Variants in PLB1 observed in about 807,000 individuals in gnomAD.
The protein encoded by PLB1 is phospholipase B1, membrane-associated.
In PLB1, 242 loss-of-function variants were observed where a neutral mutation model predicts 227.4. The observed-to-expected ratio is 1.06, with a 90% CI of 0.96 to 1.18. The LOEUF (loss-of-function observed/expected upper bound fraction) is 1.18. Among genes scored for constraint, PLB1 ranks in the 50% most tolerant of loss-of-function variants. The pLI, the probability that PLB1 is intolerant of heterozygous loss-of-function variation, is 0.00. For synonymous variants in PLB1, 757 were observed against 682.2 expected (o/e 1.11, Z -1.71); for missense variants, 1,858 against 1,816.3 (o/e 1.02, Z -0.42).
chr2:28,523,888 G>A (rs1432493719), intron 4 of PLB1, among the ~76,000 whole-genome samples: 1 of 152,120 alleles, frequency 6.6e-6, no homozygotes, highest in Non-Finnish European at 1.5e-5. Flanking sequence ...TGTCCAATTT[G>A]CCACAGCCCC....
intron 20 of PLB1, among the ~76,000 whole-genome samples, chr2:28,569,023 C>G (rs570780888): frequency 6.6e-6 from 1 of 152,136 alleles, no homozygotes; most frequent in Admixed American, 6.5e-5. Flanking sequence ...GAATAGAAAT[C>G]GGAGCAATTT....
intron 43 of PLB1, among the ~76,000 whole-genome samples, chr2:28,611,739 G>C (rs1258070706): frequency 6.6e-6 from 1 of 152,160 alleles, no homozygotes; most frequent in Non-Finnish European, 1.5e-5. Context: ...CCCGAGACAA[G>C]CCCAAGTAGC....
intron 1 of PLB1, among the ~76,000 whole-genome samples, chr2:28,511,097 T>G (rs947850434): frequency 2.0e-5 from 3 of 152,196 alleles, no homozygotes; most frequent in African/African-American, 7.2e-5. Flanking sequence ...AAATCAGTAC[T>G]TTTACCACTT....
At position 28,503,583 on chromosome 2, in the gene PLB1, G is replaced by A. The variant is rs574385867; in HGVS notation, c.55+7414G>A. On this transcript the variant is annotated intron_variant, in intron 1 of 57. Transcript: ENST00000327757. Reference sequence around the variant, plus strand: ...CCTGCAGCTTGGGAAGACTTCAGCAGAAACATCTCATCCCTGTTCCACATA... The same window carrying A: ...CCTGCAGCTTGGGAAGACTTCAGCAAAAACATCTCATCCCTGTTCCACATA... Among the ~76,000 whole-genome samples, 11 of 152,314 alleles carry A rather than the reference G, an allele frequency of 7.2e-5. No individual in the cohort carries two copies. The South Asian group carries it at 2.1e-3, about 29-fold the overall frequency.
intron 35 of PLB1, among the ~76,000 whole-genome samples, chr2:28,599,640 A>G (rs1683546917): frequency 6.6e-6 from 1 of 152,174 alleles, no homozygotes; most frequent in Non-Finnish European, 1.5e-5. Context: ...TTTTTTAGAT[A>G]GAGTCTCATT....
chr2:28,591,695 C>G lies in PLB1; in HGVS notation c.2128-5C>G. ...GAGATTCTGGGATTTGTTCTATGCC[C>G]TTAGGGTCATGGGACCTGGCTGCCA... is the stretch of plus-strand genomic sequence containing the variant. On this transcript the variant is annotated splice_region_variant and splice_polypyrimidine_tract_variant and intron_variant, in intron 30 of 57. Transcript: ENST00000327757. The G allele has an allele frequency of 1.2e-6, 2 of 1,613,906 alleles. No homozygotes were observed. Among genetic ancestry groups the G allele is most frequent in the South Asian group, 2.2e-5 (2 of 91,080 alleles).
intron 34 of PLB1, among the ~76,000 whole-genome samples, chr2:28,598,297 G>C (rs1467324793): frequency 6.6e-6 from 1 of 152,220 alleles, no homozygotes; most frequent in African/African-American, 2.4e-5. Flanking sequence ...CGATGTGCTT[G>C]TCAGGTGACC....
intron 21 of PLB1, among the ~76,000 whole-genome samples, chr2:28,575,897 G>C (rs941186037): frequency 2.6e-5 from 4 of 152,128 alleles, no homozygotes; most frequent in Non-Finnish European, 5.9e-5. Context: ...TTTTCCTTTT[G>C]ATGGGGATAG....
intron 1 of PLB1, among the ~76,000 whole-genome samples, chr2:28,504,160 C>T (rs1418468627): frequency 2.0e-5 from 3 of 152,172 alleles, no homozygotes; most frequent in African/African-American, 7.2e-5. Context: ...GCCAGCACAA[C>T]GTTTGGCCTG....
At chr2:28,515,592 A>G (rs192572496) in intron 1 of PLB1, among the ~76,000 whole-genome samples, 170 of 152,346 alleles carry the variant, frequency 1.1e-3, no homozygotes, top group South Asian at 5.4e-3. Flanking sequence ...TAAAATGGAC[A>G]TATACTGTTG....
At chr2:28,602,429 C>T (rs1175045239) in intron 38 of PLB1, among the ~76,000 whole-genome samples, 1 of 152,254 alleles carries the variant, frequency 6.6e-6, no homozygotes, top group Non-Finnish European at 1.5e-5. Context: ...CTCTGACCAC[C>T]AGATGCTCCC....
At chr2:28,596,849 T>G (rs895944192) in intron 33 of PLB1, among the ~76,000 whole-genome samples, 1 of 152,232 alleles carries the variant, frequency 6.6e-6, no homozygotes, top group Non-Finnish European at 1.5e-5. Context: ...CCTTGACCAC[T>G]CTGGCATGCA....
chr2:28,638,473 G>A (rs1386747822), intron 56 of PLB1, among the ~76,000 whole-genome samples: 3 of 152,082 alleles, frequency 2.0e-5, no homozygotes, highest in African/African-American at 7.2e-5. Flanking sequence ...TTACCCCTGG[G>A]TCCGTGTACC....
chr2:28,507,294 C>G (rs1667741203), intron 1 of PLB1, among the ~76,000 whole-genome samples: 1 of 152,124 alleles, frequency 6.6e-6, no homozygotes, highest in African/African-American at 2.4e-5. Flanking sequence ...CAGACTGGGT[C>G]ATTTATAATG....
At chr2:28,572,328 G>A (rs1678147479) in intron 20 of PLB1, among the ~76,000 whole-genome samples, 1 of 152,170 alleles carries the variant, frequency 6.6e-6, no homozygotes, top group Admixed American at 6.5e-5. Flanking sequence ...CACCTGCTTT[G>A]GGAAAAGTCC....
chr2:28,561,688 C>A (rs1007158800), intron 17 of PLB1, among the ~76,000 whole-genome samples: 1 of 152,082 alleles, frequency 6.6e-6, no homozygotes, highest in African/African-American at 2.4e-5. Context: ...GCCAGGAGTT[C>A]GAGACCAGCC....
chr2:28,524,495 A>G (rs1242724938), intron 4 of PLB1, among the ~76,000 whole-genome samples: 2 of 151,236 alleles, frequency 1.3e-5, no homozygotes, highest in Admixed American at 6.6e-5. Context: ...TTCCAAAAAT[A>G]TGGATTCAAC....
At chr2:28,615,559 G>A (rs570848490) in intron 44 of PLB1, among the ~76,000 whole-genome samples, 1 of 152,324 alleles carries the variant, frequency 6.6e-6, no homozygotes, top group South Asian at 2.1e-4. Context: ...CTGGCTGCGG[G>A]TTATGCTGTG....
At chr2:28,556,649 G>A (rs1410022386) in intron 17 of PLB1, among the ~76,000 whole-genome samples, 2 of 152,150 alleles carry the variant, frequency 1.3e-5, no homozygotes, top group Non-Finnish European at 2.9e-5. Context: ...GAGAAAAGGA[G>A]TCACTTTTTG....
Sources: allele counts gnomAD v4.1 joint callset (sites outside exome capture counted in the v4.1 genomes callset), GRCh38; gene constraint gnomAD v4.1.1; transcripts MANE v1.5; gene names NCBI Gene and HGNC (gene_info 2026-07-23, HGNC 2026-07-21).